The following F8 variants were observed in gnomAD, a reference collection of about 807,000 sequenced individuals.
F8 encodes coagulation factor VIII, also known as antihemophilic factor.
A neutral mutation model predicts 140.6 loss-of-function variants in F8; 12 were observed. The observed-to-expected ratio is 0.09, with a 90% CI of 0.05 to 0.14. The LOEUF (loss-of-function observed/expected upper bound fraction) is 0.14. F8 is among the 10% of genes least tolerant of loss of function. F8 has a pLI of 1.00. For missense variants in F8, 1,354 were observed against 1,720.7 expected (o/e 0.79, Z 3.77); for synonymous variants, 585 against 614.6 (o/e 0.95, Z 0.71).
rs1557284782 is a variant in F8, at chrX:154,992,946, T to C, written c.591A>G (p.Val197=). The change falls in exon 4 of 26, where the codon GTA becomes GTG. Residue 197 remains valine, a synonymous_variant. Transcript: ENST00000360256. The part of the protein sequence containing the change: ...LNSGLIGALL[V]CREGSLAKEK... ...CTTTCATACACTTACCTTCTCTACATACTAGTAGGGCTCCAATGAGGCCTG... is the reference window on the plus strand; with the variant it reads ...CTTTCATACACTTACCTTCTCTACACACTAGTAGGGCTCCAATGAGGCCTG... The C allele has an allele frequency of 5.0e-6, 6 of 1,209,939 alleles. No individual in the cohort carries two copies. Among genetic ancestry groups the C allele is most frequent in the Non-Finnish European group, 6.7e-6 (6 of 893,770 alleles).
chrX:154,968,073 C>T (rs181620799), intron 7 of F8, among the ~76,000 whole-genome samples: 1 of 111,791 alleles, frequency 8.9e-6, no homozygotes, highest in Admixed American at 9.5e-5. Context: ...ACATTTTTCT[C>T]CAATAACTCT....
intron 14 of F8, among the ~76,000 whole-genome samples, chrX:154,922,134 TATC>T (rs1300290624): frequency 8.9e-6 from 1 of 112,573 alleles, no homozygotes; most frequent in Admixed American, 9.4e-5. Context: ...CTTATATGCT[TATC>T]TTTAATTATA....
At chrX:154,935,684 G>T in intron 13 of F8, among the ~76,000 whole-genome samples, 1 of 111,136 alleles carries the variant, frequency 9.0e-6, no homozygotes, top group East Asian at 2.8e-4. Flanking sequence ...AAGATAAATT[G>T]TATGTCATCT....
intron 1 of F8, among the ~76,000 whole-genome samples, chrX:155,003,453 C>T (rs952621397): frequency 4.7e-5 from 5 of 107,517 alleles, no homozygotes; most frequent in South Asian, 4.0e-4. Context: ...CCAACAACAA[C>T]GGCAGAGGCT....
intron 13 of F8, among the ~76,000 whole-genome samples, chrX:154,939,774 C>A (rs1557279573): frequency 8.9e-6 from 1 of 112,104 alleles, no homozygotes; most frequent in Non-Finnish European, 1.9e-5. Flanking sequence ...CCAGTAGGGG[C>A]AGACTGACAC....
intron 1 of F8, among the ~76,000 whole-genome samples, chrX:155,019,333 T>A (rs1042923552): frequency 2.9e-4 from 33 of 112,291 alleles, no homozygotes; most frequent in African/African-American, 1.0e-3. Context: ...GCTCTTGTTT[T>A]CTAATAAATT....
rs189997222 is a variant in F8, at chrX:155,008,957, G to A, written c.144-9357C>T. ...GCTGTCCTGGAGCCTACCCGGCAGC[G>A]CGCTTCTCCCTCTGCCTATCCCTGA... is the stretch of plus-strand genomic sequence containing the variant. On this transcript the variant is annotated intron_variant, in intron 1 of 25. Coordinates refer to ENST00000360256, the MANE Select transcript of F8 (RefSeq NM_000132.4). Among the ~76,000 whole-genome samples, 58 of 111,634 alleles carry A rather than the reference G, an allele frequency of 5.2e-4. 2 individuals are homozygous for A. Among genetic ancestry groups the A allele is most frequent in the African/African-American group, 1.7e-3 (51 of 30,632 alleles).
intron 7 of F8, among the ~76,000 whole-genome samples, chrX:154,969,006 C>T (rs1388014771): frequency 3.6e-5 from 4 of 110,739 alleles, no homozygotes; most frequent in Admixed American, 1.9e-4. Flanking sequence ...AATATTGGAG[C>T]GTAATTAATG....
chrX:154,872,970 AAC>A (rs2072786012), intron 22 of F8, among the ~76,000 whole-genome samples: 1 of 111,643 alleles, frequency 9.0e-6, no homozygotes, highest in Non-Finnish European at 1.9e-5. Context: ...GAATAGACTT[AAC>A]CAAAGAAATG....
At chrX:155,012,509 T>A (rs2073710998) in intron 1 of F8, among the ~76,000 whole-genome samples, 1 of 111,258 alleles carries the variant, frequency 9.0e-6, no homozygotes, top group Non-Finnish European at 1.9e-5. Flanking sequence ...TCAAGTCTTG[T>A]TATGTTGCCC....
chrX:154,841,212 T>C (rs1426641057), intron 25 of F8, among the ~76,000 whole-genome samples: 24 of 101,999 alleles, frequency 2.4e-4, no homozygotes, highest in African/African-American at 8.2e-4. Flanking sequence ...TTTCTTCTTT[T>C]TTTTTTTTTT....
intron 13 of F8, among the ~76,000 whole-genome samples, chrX:154,946,088 A>G (rs1409870979): frequency 1.8e-5 from 2 of 112,383 alleles, no homozygotes; most frequent in African/African-American, 3.2e-5. Flanking sequence ...ATTGAAGAAC[A>G]CACAAAAAAC....
intron 21 of F8, among the ~76,000 whole-genome samples, chrX:154,896,507 AC>A (rs2072980809): frequency 2.8e-5 from 1 of 35,336 alleles, no homozygotes; most frequent in South Asian, 1.0e-3. Flanking sequence ...CCCATTTCGT[AC>A]ACACACACAC....
At chrX:154,910,503 T>G (rs781878222) in intron 14 of F8, among the ~76,000 whole-genome samples, 1 of 111,545 alleles carries the variant, frequency 9.0e-6, no homozygotes, top group East Asian at 2.8e-4. Flanking sequence ...ACATGGTGCA[T>G]GTATACACGT....
In F8 at chrX:154,966,149, A is replaced by G. The variant is rs2073422384; in HGVS notation, c.1272-8T>C. 8.3e-7 allele frequency: 1 copy of G among 1,202,741 alleles called. No individual in the cohort carries two copies. On this transcript the variant is annotated splice_region_variant and splice_polypyrimidine_tract_variant and intron_variant, in intron 8 of 25. Transcript: ENST00000360256. ...TATTGACTTTTATAACTTCTGTATA[A>G]GAGAAAAAAAGATGAGAGGTTGGGA...
At chrX:155,021,287 G>A (rs2073759244) in intron 1 of F8, among the ~76,000 whole-genome samples, 1 of 111,091 alleles carries the variant, frequency 9.0e-6, no homozygotes, top group Non-Finnish European at 1.9e-5. Context: ...TGGGGGAGAA[G>A]GGGACTGATG....
chrX:154,928,223 C>T (rs782651782), intron 14 of F8, among the ~76,000 whole-genome samples: 2 of 111,912 alleles, frequency 1.8e-5, no homozygotes, highest in South Asian at 3.7e-4. Flanking sequence ...CCTACTTTGC[C>T]CTCTGGATCC....
chrX:154,932,463 G>A (rs2073203253), intron 13 of F8, among the ~76,000 whole-genome samples: 1 of 111,911 alleles, frequency 8.9e-6, no homozygotes, highest in Admixed American at 9.4e-5. Flanking sequence ...CAAGCTACCC[G>A]TTGGGTACCT....
At chrX:154,859,239 C>T (rs781998257) in intron 25 of F8, among the ~76,000 whole-genome samples, 1 of 111,132 alleles carries the variant, frequency 9.0e-6, no homozygotes, top group South Asian at 3.8e-4. Flanking sequence ...GACTAACACA[C>T]TCATATAAGT....
Sources: allele counts gnomAD v4.1 joint callset (sites outside exome capture counted in the v4.1 genomes callset), GRCh38; gene constraint gnomAD v4.1.1; transcripts MANE v1.5; gene names NCBI Gene and HGNC (gene_info 2026-07-23, HGNC 2026-07-21).